Variants in HEPHL1 observed in about 807,000 individuals in gnomAD.
HEPHL1 encodes the protein hephaestin like 1, also known as ferroxidase HEPHL1.
Under a neutral mutation model 122.0 loss-of-function variants are expected in HEPHL1, and 123 were observed. The observed-to-expected ratio is 1.01, with a 90% CI of 0.87 to 1.17. The LOEUF (loss-of-function observed/expected upper bound fraction) is 1.17, where lower values mean the gene tolerates loss of function less well. Among genes scored for constraint, HEPHL1 ranks in the 50% most tolerant of loss-of-function variants. The probability of loss-of-function intolerance (pLI) is 0.00; values close to 1 mark genes in which losing one functional copy is unlikely to be tolerated. For synonymous variants in HEPHL1, 527 were observed against 508.9 expected (o/e 1.04, Z -0.48); for missense variants, 1,452 against 1,430.5 (o/e 1.01, Z -0.24).
chr11:94,071,950 TGGA>T (rs1340692780), intron 6 of HEPHL1, among the ~76,000 whole-genome samples: 1 of 152,070 alleles, frequency 6.6e-6, no homozygotes, highest in Non-Finnish European at 1.5e-5. Context: ...GGCACTGGCA[TGGA>T]GAAATAGAGA....
intron 2 of HEPHL1, among the ~76,000 whole-genome samples, chr11:94,051,609 T>C (rs921392702): frequency 6.6e-6 from 1 of 152,130 alleles, no homozygotes; most frequent in East Asian, 1.9e-4. Context: ...CTTTGTTGAT[T>C]GTTTCCTTTG....
chr11:94,075,393 A>T lies in HEPHL1; in HGVS notation c.1716+8A>T. Reference sequence around the variant, plus strand: ...AATGCTGATGGGACACAGGTAGGCCATTGAGTGTCACCAGTTCTTCTCAGG... The same window carrying T: ...AATGCTGATGGGACACAGGTAGGCCTTTGAGTGTCACCAGTTCTTCTCAGG... On this transcript the variant is annotated splice_region_variant and intron_variant, in intron 9 of 19. Coordinates refer to ENST00000315765, the MANE Select transcript of HEPHL1 (RefSeq NM_001098672.2). 1 of 1,605,572 alleles carries T rather than the reference A, an allele frequency of 6.2e-7. No homozygotes were observed. Among genetic ancestry groups the T allele is most frequent in the Non-Finnish European group, 8.5e-7 (1 of 1,174,224 alleles).
intron 2 of HEPHL1, among the ~76,000 whole-genome samples, chr11:94,057,372 C>T (rs560391349): frequency 6.6e-6 from 1 of 152,068 alleles, no homozygotes; most frequent in East Asian, 1.9e-4. Flanking sequence ...GTTGTTCTCC[C>T]CTCTTTCTGC....
chr11:94,029,617 T>A lies in HEPHL1; in HGVS notation c.170+8079T>A, dbSNP rs111543625. ...ATAAAAATTTGGCAAATGTTCCAAATGATTCTGATGCAAGTGGTACATGGG... is the reference window on the plus strand; with the variant it reads ...ATAAAAATTTGGCAAATGTTCCAAAAGATTCTGATGCAAGTGGTACATGGG... On this transcript the variant is annotated intron_variant, in intron 1 of 19. Coordinates refer to ENST00000315765, the MANE Select transcript of HEPHL1 (RefSeq NM_001098672.2). 5.3e-3 allele frequency among the ~76,000 whole-genome samples: 811 copies of A among 152,340 alleles called. 7 individuals carry two copies. Among genetic ancestry groups the A allele is most frequent in the African/African-American group, 0.019 (778 of 41,576 alleles).
In HEPHL1 at chr11:94,073,027, ACT is replaced by A; in HGVS notation, c.1238_1239del (p.Ser413Ter). 1 of 1,612,204 alleles carries A rather than the reference ACT, an allele frequency of 6.2e-7. No individual in the cohort carries two copies. Among genetic ancestry groups the A allele is most frequent in the Non-Finnish European group, 8.5e-7 (1 of 1,178,784 alleles). ...ATCACATTCCTATGTCTTTTCAGTG[ACT>A]CTGATCTCTACTTCACACAAGGGGA... On this transcript the variant is annotated frameshift_variant, in exon 7 of 20. Coordinates refer to ENST00000315765, the MANE Select transcript of HEPHL1 (RefSeq NM_001098672.2). LOFTEE classifies it high-confidence loss of function.
At position 94,073,323 on chromosome 11, in the gene HEPHL1, C is replaced by A; in HGVS notation, c.1388C>A (p.Ala463Glu). The A allele has an allele frequency of 6.2e-7, 1 of 1,609,686 alleles. No individual in the cohort carries two copies. Residue 463 changes from alanine (A) to glutamate (E), a missense_variant, in exon 8 of 20, where the codon GCA (alanine) becomes GAA (glutamate). Coordinates refer to ENST00000315765, the MANE Select transcript of HEPHL1 (RefSeq NM_001098672.2). ...ATTTTTTCAGGCCCAGTCATCAAGG[C>A]AGAGGTGGGTGATACCCTGTTAGTG... ...HLGILGPVIK[A>E]EVGDTLLVTF...
Position 94,064,427 on chromosome 11 carries a change from A to G in HEPHL1, c.725A>G (p.Asn242Ser). The G allele has an allele frequency of 1.2e-6, 2 of 1,612,858 alleles. No individual in the cohort carries two copies. The highest frequency in any genetic ancestry group is 1.7e-6 in the Non-Finnish European group (2 of 1,178,914). The change falls in exon 4 of 20, where the codon AAT (asparagine) becomes AGT (serine). Residue 242 changes from asparagine (N) to serine (S), a missense_variant. Transcript: ENST00000315765. ...GATGAGAATCAAAGCTGGTACCTCA[A>G]TGAAAATATCAAACATTTCTGCACC... ...LVDENQSWYL[N>S]ENIKHFCTNP...
chr11:94,093,975 T>TAGATAG lies in HEPHL1; in HGVS notation c.2434+336_2434+337insGATAGA, dbSNP rs1565360475. 4.6e-4 allele frequency among the ~76,000 whole-genome samples: 22 copies of TAGATAG among 48,010 alleles called. 1 individual carries two copies. In the South Asian group the frequency reaches 6.7e-3, roughly 15 times the overall value. The allele number at this position is 48,010 out of a possible 152,430, so 31.5% of individuals were successfully genotyped here. On this transcript the variant is annotated intron_variant, in intron 13 of 19. Transcript: ENST00000315765. ...TTTCTTTTAAATCCTCCAGCAGATA[T>TAGATAG]ATATATATATATATATATATATATA...
At position 94,073,349 on chromosome 11, in the gene HEPHL1, A is replaced by G; in HGVS notation, c.1414A>G (p.Thr472Ala). 6.2e-7 allele frequency: 1 copy of G among 1,604,058 alleles called. No individual in the cohort carries two copies. The highest frequency in any genetic ancestry group is 8.5e-7 in the Non-Finnish European group (1 of 1,174,916). The change falls in exon 8 of 20, where the codon ACC becomes GCC. Residue 472 changes from threonine (T) to alanine (A), a missense_variant. Physicochemically the swap from Thr to Ala is moderately conservative, Grantham distance 58 (BLOSUM62 0). Coordinates refer to ENST00000315765, the MANE Select transcript of HEPHL1 (RefSeq NM_001098672.2). ...KAEVGDTLLV[T>A]FANKADKVYS... ...AGAGGTGGGTGATACCCTGTTAGTG[A>G]CCTTTGCCAACAAAGCCGACAAGGT...
chr11:94,040,090 A>G (rs1323261577), intron 1 of HEPHL1, among the ~76,000 whole-genome samples: 1 of 67,964 alleles, frequency 1.5e-5, no homozygotes, highest in African/African-American at 7.3e-5. Context: ...AATACTACAA[A>G]CACCTCTACG....
rs1945727155 is a variant in HEPHL1 at position 94,036,623 on chromosome 11, TC to T, written c.171-9049del. Reference sequence around the variant, plus strand: ...TGAACAAAACTGCATGAATTGGAGGTCAGGAGATTGAGACCATCCTGGCTAA... The same window carrying T: ...TGAACAAAACTGCATGAATTGGAGGTAGGAGATTGAGACCATCCTGGCTAA... On this transcript the variant is annotated intron_variant, in intron 1 of 19. Transcript: ENST00000315765. Among the ~76,000 whole-genome samples, 6 of 151,888 alleles carry T rather than the reference TC, an allele frequency of 4.0e-5. 1 individual carries two copies. In the South Asian group the frequency reaches 1.3e-3, roughly 32 times the overall value.
intron 1 of HEPHL1, among the ~76,000 whole-genome samples, chr11:94,044,055 G>A (rs1435284433): frequency 6.6e-6 from 1 of 151,930 alleles, no homozygotes; most frequent in African/African-American, 2.4e-5. Flanking sequence ...CCCAGGAGTG[G>A]TGGAGCTTTT....
chr11:94,082,311 T>C, intron 9 of HEPHL1, 107 bp from the exon 10 acceptor site: 2 of 705,856 alleles, frequency 2.8e-6, no homozygotes, highest in South Asian at 2.4e-5. Flanking sequence ...GGGCTGATGT[T>C]GATCTGCCCT....
At chr11:94,050,444 G>A (rs368099904) in intron 2 of HEPHL1, among the ~76,000 whole-genome samples, 33 of 152,124 alleles carry the variant, frequency 2.2e-4, no homozygotes, top group Admixed American at 1.2e-3. Context: ...GTCTTCCTCC[G>A]TTAGGCATGA....
chr11:94,106,883 A>G (rs1946413864), intron 17 of HEPHL1, among the ~76,000 whole-genome samples: 1 of 152,218 alleles, frequency 6.6e-6, no homozygotes. Flanking sequence ...CTAAGCCCTG[A>G]AACTTTATCT....
chr11:94,097,073 T>G (rs1203410423), intron 13 of HEPHL1, among the ~76,000 whole-genome samples: 2 of 152,236 alleles, frequency 1.3e-5, no homozygotes, highest in Admixed American at 1.3e-4. Context: ...TTTGAATGTG[T>G]TTGCTCTTGC....
chr11:94,071,334 TATTCATTC>T (rs5793668), intron 6 of HEPHL1, among the ~76,000 whole-genome samples: 1 of 151,516 alleles, frequency 6.6e-6, no homozygotes, highest in Non-Finnish European at 1.5e-5. Context: ...TTGTACATTT[TATTCATTC>T]ATTCATTCAT....
chr11:94,077,498 T>A (rs187218030), intron 9 of HEPHL1, among the ~76,000 whole-genome samples: 197 of 152,318 alleles, frequency 1.3e-3, no homozygotes, highest in African/African-American at 4.5e-3. Context: ...GGGGTATTCA[T>A]CCCCTCAAGC....
Position 94,088,810 on chromosome 11 carries a change from G to C in HEPHL1, c.2136G>C (p.Gln712His), listed in dbSNP as rs767520637. The C allele has an allele frequency of 2.5e-6, 4 of 1,614,002 alleles. No homozygotes were observed. Among genetic ancestry groups the C allele is most frequent in the Non-Finnish European group, 2.5e-6 (3 of 1,179,878 alleles). ...TMPHLSRGMG[Q>H]IYEVSSCDNR... ...CCCACCTCTCGAGAGGCATGGGTCAGATCTATGAGGTCAGCAGCTGTGACA... is the reference window on the plus strand; with the variant it reads ...CCCACCTCTCGAGAGGCATGGGTCACATCTATGAGGTCAGCAGCTGTGACA... The change falls in exon 12 of 20, where the codon CAG becomes CAC. Residue 712 changes from glutamine (Q) to histidine (H), a missense_variant. Transcript: ENST00000315765.
Sources: gnomAD v4.1 joint callset for allele counts (sites outside exome capture counted in the v4.1 genomes callset) on GRCh38, gnomAD v4.1.1 for gene constraint, MANE v1.5 for transcripts, NCBI Gene and HGNC (gene_info 2026-07-23, HGNC 2026-07-21) for gene names.